SLC13A3: variants seen among roughly 807,000 people sequenced by gnomAD.
The protein encoded by SLC13A3 is Na(+)/dicarboxylate cotransporter 3.
SLC13A3 carries 40 observed loss-of-function variants against 59.0 expected under a neutral mutation model. The ratio of observed to expected loss-of-function variants is 0.68; its 90% CI spans 0.53 to 0.88. The LOEUF is 0.88. Ranked by LOEUF, SLC13A3 falls within the 40% of genes least tolerant of loss-of-function variation. The probability of loss-of-function intolerance (pLI) is 0.00; values close to 1 mark genes in which losing one functional copy is unlikely to be tolerated. For missense variants in SLC13A3, 699 were observed against 783.2 expected (o/e 0.89, Z 1.28); for synonymous variants, 317 against 330.3 (o/e 0.96, Z 0.44).
At position 46,575,589 on chromosome 20, in the gene SLC13A3, A is replaced by G; in HGVS notation, c.1316T>C (p.Met439Thr). The G allele has an allele frequency of 6.2e-7, 1 of 1,602,222 alleles. No homozygotes were observed. The highest frequency in any genetic ancestry group is 8.5e-7 in the Non-Finnish European group (1 of 1,173,692). Residue 439 changes from methionine (M) to threonine (T), a missense_variant, in exon 10 of 13, where the codon ATG (methionine) becomes ACG (threonine). Coordinates refer to ENST00000279027, the MANE Select transcript of SLC13A3 (RefSeq NM_022829.6). Reference protein sequence around the residue: ...IILLLGGGFAMAKGCEESGLS... With the variant: ...IILLLGGGFATAKGCEESGLS... Reference sequence around the variant, plus strand: ...GGGTCTTACCTCACAGCCTTTGGCCATGGCGAAGCCCCCTCCCAGGAGAAG... The same window carrying G: ...GGGTCTTACCTCACAGCCTTTGGCCGTGGCGAAGCCCCCTCCCAGGAGAAG...
intron 1 of SLC13A3, among the ~76,000 whole-genome samples, chr20:46,627,415 G>A (rs549022501): frequency 1.3e-5 from 2 of 152,230 alleles, no homozygotes; most frequent in South Asian, 4.2e-4. Context: ...CAATAGGGAG[G>A]GGCGGGGACT....
rs1258631528 is a variant in SLC13A3 at position 46,575,701 on chromosome 20, GA to G, written c.1220-17del. ...GTGTTGGGAGCTGGGCAGAGAGAGG[GA>G]TTCAGCACACACTCAGGGCCGCTCA... On this transcript the variant is annotated splice_polypyrimidine_tract_variant and intron_variant, in intron 9 of 12. Coordinates refer to ENST00000279027, the MANE Select transcript of SLC13A3 (RefSeq NM_022829.6). 3.3e-6 allele frequency: 5 copies of G among 1,520,608 alleles called. No individual in the cohort carries two copies. The Admixed American group carries it at 5.6e-5, about 17-fold the overall frequency. The allele number at this position is 1,520,608 out of a possible 1,614,324, so 94.2% of individuals were successfully genotyped here. A position where few individuals can be genotyped will look rare whatever the true frequency, so the allele number is the denominator to read the frequency against.
intron 9 of SLC13A3, among the ~76,000 whole-genome samples, chr20:46,578,884 G>T (rs568134158): frequency 6.6e-6 from 1 of 151,898 alleles, no homozygotes; most frequent in Non-Finnish European, 1.5e-5. Context: ...TGGCAAAGAG[G>T]AAAGAGAAGT....
At chr20:46,657,335 T>C (rs1243612468) in intron 1 of SLC13A3, among the ~76,000 whole-genome samples, 1 of 150,468 alleles carries the variant, frequency 6.6e-6, no homozygotes, top group African/African-American at 2.5e-5. Flanking sequence ...ATCGCACCAC[T>C]GCATTCCAGC....
chr20:46,584,800 G>A (rs73908934), intron 8 of SLC13A3, among the ~76,000 whole-genome samples: 1,760 of 152,138 alleles, frequency 0.012, 44 homozygotes, highest in African/African-American at 0.04. Context: ...AGAAACAGTC[G>A]TACTTTTGTA....
At chr20:46,628,172 C>T (rs1486915778) in intron 1 of SLC13A3, among the ~76,000 whole-genome samples, 1 of 152,164 alleles carries the variant, frequency 6.6e-6, no homozygotes, top group African/African-American at 2.4e-5. Context: ...TGTGGGGCCA[C>T]ATGATCCCGA....
chr20:46,680,756 A>G (rs746521796), intron 1 of SLC13A3, among the ~76,000 whole-genome samples: 27 of 151,886 alleles, frequency 1.8e-4, no homozygotes, highest in Middle Eastern at 3.2e-3. Context: ...GCTCCTGTGT[A>G]CTCTGCCCTC....
chr20:46,675,552 T>A (rs1249437808), intron 1 of SLC13A3, among the ~76,000 whole-genome samples: 1 of 151,138 alleles, frequency 6.6e-6, no homozygotes, highest in Non-Finnish European at 1.5e-5. Context: ...GGCCCCTTTT[T>A]TTTTCTTTCT....
At chr20:46,656,293 A>AT (rs1255281294), upstream of SLC13A3, among the ~76,000 whole-genome samples, 1 of 68,332 alleles carries the variant, frequency 1.5e-5, no homozygotes, top group Non-Finnish European at 4.2e-5. Flanking sequence ...TACTGTATAT[A>AT]ATATACTATA....
chr20:46,595,018 T>C (rs1352218871), intron 5 of SLC13A3, among the ~76,000 whole-genome samples: 4 of 152,222 alleles, frequency 2.6e-5, no homozygotes, highest in Admixed American at 6.5e-5. Context: ...CCACAGGTTT[T>C]TGATTCTTTG....
At chr20:46,599,372 C>T (rs1408371566) in intron 4 of SLC13A3, among the ~76,000 whole-genome samples, 2 of 152,274 alleles carry the variant, frequency 1.3e-5, no homozygotes, top group Admixed American at 1.3e-4. Flanking sequence ...GTGCTAACAT[C>T]TGGACGTGTA....
intron 1 of SLC13A3, among the ~76,000 whole-genome samples, chr20:46,632,374 C>T (rs1015162521): frequency 5.3e-5 from 8 of 151,970 alleles, no homozygotes; most frequent in Admixed American, 1.3e-4. Flanking sequence ...TCACTCCGAG[C>T]GTCAGTTCAC....
rs1206895979 is a variant in SLC13A3 at position 46,613,526 on chromosome 20, T to C, written c.311A>G (p.Glu104Gly). 1 of 1,613,740 alleles carries C rather than the reference T, an allele frequency of 6.2e-7. No homozygotes were observed. Among genetic ancestry groups the C allele is most frequent in the Non-Finnish European group, 8.5e-7 (1 of 1,179,872 alleles). ...GATTCGCCGGTGCAGGTTCCACTCC[T>C]CAATGGCGCTGGCCATGATCAGCCC... ...LSGLIMASAIEEWNLHRRIAL... is the reference protein window; with the variant it reads ...LSGLIMASAIGEWNLHRRIAL... Residue 104 changes from glutamate to glycine, a missense_variant, in exon 2 of 13, where the codon GAG becomes GGG. Glu to Gly is a moderately conservative substitution (Grantham distance 98). Coordinates refer to ENST00000279027, the MANE Select transcript of SLC13A3 (RefSeq NM_022829.6).
intron 5 of SLC13A3, among the ~76,000 whole-genome samples, chr20:46,592,843 C>G (rs960347033): frequency 4.6e-5 from 7 of 152,332 alleles, no homozygotes; most frequent in South Asian, 4.1e-4. Context: ...GAGAGCCCTG[C>G]TCATTAAAGG....
intron 9 of SLC13A3, chr20:46,583,180 A>G (rs1250956851): frequency 1.4e-6 from 1 of 713,292 alleles, no homozygotes; most frequent in African/African-American, 1.9e-5. Flanking sequence ...ACTAAAGAAA[A>G]TAAATTTCCA....
intron 2 of SLC13A3, among the ~76,000 whole-genome samples, chr20:46,611,062 C>T (rs2062489399): frequency 6.6e-6 from 1 of 152,086 alleles, no homozygotes. Context: ...TTGCTTGGTC[C>T]ATTCCCACCA....
At chr20:46,662,094 C>T (rs978183465) in intron 1 of SLC13A3, among the ~76,000 whole-genome samples, 2 of 152,198 alleles carry the variant, frequency 1.3e-5, no homozygotes, top group Admixed American at 1.3e-4. Context: ...GCAGTCTCCT[C>T]TTTCTCCAGC....
intron 3 of SLC13A3, 80 bp from the exon 4 acceptor site, chr20:46,600,117 A>G: frequency 9.1e-7 from 1 of 1,098,860 alleles, no homozygotes; most frequent in South Asian, 2.1e-5. Context: ...AAGTCAGTCA[A>G]GAATGCTTTC....
intron 11 of SLC13A3, 74 bp downstream of exon 11, chr20:46,566,155 T>C: frequency 7.8e-7 from 1 of 1,285,130 alleles, no homozygotes; most frequent in South Asian, 1.2e-5. Context: ...CCAGTGAAGG[T>C]CCCTTGGCGG....
Sources: allele counts gnomAD v4.1 joint callset (sites outside exome capture counted in the v4.1 genomes callset), GRCh38; gene constraint gnomAD v4.1.1; transcripts MANE v1.5; gene names NCBI Gene and HGNC (gene_info 2026-07-23, HGNC 2026-07-21).